The following RANBP3 variants were observed in gnomAD, a reference collection of about 807,000 sequenced individuals.
RANBP3 encodes RAN binding protein 3, also known as ran-binding protein 3.
RANBP3 carries 14 observed loss-of-function variants against 77.3 expected under a neutral mutation model. That is an observed-to-expected ratio of 0.18 (90% CI 0.12 to 0.28). The LOEUF is 0.28. Among genes scored for constraint, RANBP3 ranks in the 10% least tolerant of loss-of-function variants. The pLI is 1.00. For missense variants in RANBP3, 586 were observed against 752.3 expected (o/e 0.78, Z 2.59); for synonymous variants, 315 against 312.4 (o/e 1.01, Z -0.09).
chr19:5,933,470 C>G lies in RANBP3; in HGVS notation c.416G>C (p.Ser139Thr). The change falls in exon 6 of 17, where the codon AGC becomes ACC. Residue 139 changes from serine to threonine, a missense_variant. By Grantham distance (58) the Ser-to-Thr change is moderately conservative (BLOSUM62 1). This residue lies in a region of RANBP3 where 172 missense variants were observed against 183.4 expected (regional missense o/e 0.94). Coordinates refer to ENST00000340578, the MANE Select transcript of RANBP3 (RefSeq NM_007322.3). ...QFPPSQSEER[S>T]SGFRLKPPTL... ...TGGTGGCTTCAACCGGAAGCCACTGCTCCTTTCCTCTAAAAGCACAAGACA... is the reference window on the plus strand; with the variant it reads ...TGGTGGCTTCAACCGGAAGCCACTGGTCCTTTCCTCTAAAAGCACAAGACA... 6.2e-7 allele frequency: 1 copy of G among 1,613,288 alleles called. No homozygotes were observed. Among genetic ancestry groups the G allele is most frequent in the Non-Finnish European group, 8.5e-7 (1 of 1,179,724 alleles).
intron 6 of RANBP3, 31 bp downstream of exon 6, chr19:5,933,383 A>AC (rs747523295): frequency 1.0e-5 from 16 of 1,575,504 alleles, no homozygotes; most frequent in Admixed American, 5.6e-5. Flanking sequence ...TCAGAGAGCC[A>AC]CCCCCCGCCC....
chr19:5,921,594 G>A lies in RANBP3; in HGVS notation c.1210-273C>T, dbSNP rs779373957. 6.6e-6 allele frequency among the ~76,000 whole-genome samples: 1 copy of A among 152,246 alleles called. No homozygotes were observed. The highest frequency in any genetic ancestry group is 1.5e-5 in the Non-Finnish European group (1 of 68,044). On this transcript the variant is annotated intron_variant, in intron 13 of 16. Coordinates refer to ENST00000340578, the MANE Select transcript of RANBP3 (RefSeq NM_007322.3). This position sits in a 1 kb window ranked among gnomAD's most constrained non-coding sequence, Gnocchi z 5.3. The stretch of plus-strand genomic sequence containing the variant: ...CACTCTAGGACGGCTATACCCATGT[G>A]GGGAAGCTGGAACCCTCACACACTG...
At position 5,933,397 on chromosome 19, in the gene RANBP3, G is replaced by A. The variant is rs1054147116; in HGVS notation, c.472+17C>T. On this transcript the variant is annotated intron_variant, in intron 6 of 16. Coordinates refer to ENST00000340578, the MANE Select transcript of RANBP3 (RefSeq NM_007322.3). Reference sequence around the variant, plus strand: ...GTCAGAGAGCCACCCCCCGCCCCAGGGAGGTAGACGACCTACCTGCGCTGG... The same window carrying A: ...GTCAGAGAGCCACCCCCCGCCCCAGAGAGGTAGACGACCTACCTGCGCTGG... The A allele has an allele frequency of 1.5e-5, 24 of 1,600,268 alleles. No individual in the cohort carries two copies. The highest frequency in any genetic ancestry group is 4.6e-5 in the East Asian group (2 of 43,948).
chr19:5,931,966 T>G (rs982503777), intron 7 of RANBP3, among the ~76,000 whole-genome samples: 1 of 151,988 alleles, frequency 6.6e-6, no homozygotes, highest in African/African-American at 2.4e-5. Context: ...GCCCAGGAGT[T>G]CGAGGCTGCA....
rs762262340 is a variant in RANBP3 at position 5,923,186 on chromosome 19, C to G, written c.1209+8G>C. On this transcript the variant is annotated splice_region_variant and intron_variant, in intron 13 of 16. Coordinates refer to ENST00000340578, the MANE Select transcript of RANBP3 (RefSeq NM_007322.3). ...CCCAGGGCCACCGAGGAGGGGCCGG[C>G]CCCTCACCTGTAACACATTGCTCTC... 1 of 1,612,980 alleles carries G rather than the reference C, an allele frequency of 6.2e-7. No individual in the cohort carries two copies. The highest frequency in any genetic ancestry group is 2.2e-5 in the East Asian group (1 of 44,858).
At chr19:5,966,673 A>G (rs552777945) in intron 1 of RANBP3, among the ~76,000 whole-genome samples, 161 of 152,366 alleles carry the variant, frequency 1.1e-3, no homozygotes, top group African/African-American at 3.8e-3. Context: ...TCCCGCTAAA[A>G]CTAAATAGAA....
chr19:5,928,378 A>G (rs2057941346), intron 8 of RANBP3: 1 of 250,042 alleles, frequency 4.0e-6, no homozygotes, highest in African/African-American at 2.2e-5. Flanking sequence ...GAGGACAGGA[A>G]ATAACCTGGT....
At position 5,920,695 on chromosome 19, in the gene RANBP3, G is replaced by C. The variant is rs1049489269; in HGVS notation, c.1330+506C>G. On this transcript the variant is annotated intron_variant, in intron 14 of 16. Coordinates refer to ENST00000340578, the MANE Select transcript of RANBP3 (RefSeq NM_007322.3). ...CCCGAGTAGCTGGGATTACAGACAT[G>C]TATCACCATGCCCGGCTAATTTTTG... Among the ~76,000 whole-genome samples the C allele has an allele frequency of 2.0e-5, 3 of 152,230 alleles. No homozygotes were observed. The East Asian group carries it at 5.8e-4, about 29-fold the overall frequency.
chr19:5,972,526 C>T (rs1284902143), intron 1 of RANBP3, among the ~76,000 whole-genome samples: 1 of 152,212 alleles, frequency 6.6e-6, no homozygotes, highest in Admixed American at 6.5e-5. Context: ...GCAAGCCCAA[C>T]TGCCTCACGA....
At position 5,924,895 on chromosome 19, in the gene RANBP3, A is replaced by T; in HGVS notation, c.928T>A (p.Ser310Thr). Residue 310 changes from serine to threonine, a missense_variant, in exon 11 of 17, where the codon TCA becomes ACA. Ser to Thr is a moderately conservative substitution (Grantham distance 58). Around this residue, in one of 5 missense-constraint regions of RANBP3, gnomAD observed 232 missense variants for 271.7 expected, o/e 0.85. Coordinates refer to ENST00000340578, the MANE Select transcript of RANBP3 (RefSeq NM_007322.3). This position sits in a 1 kb window ranked among gnomAD's most constrained non-coding sequence, Gnocchi z 4.7. ...CTGGAGGCGTCGGCACTATTGGTTG[A>T]GTTCTCTAAACTGAAGAGAAGATGT... ...LQYISSSLEN[S>T]TNSADASSNK... 1 of 1,613,912 alleles carries T rather than the reference A, an allele frequency of 6.2e-7. No homozygotes were observed. The highest frequency in any genetic ancestry group is 1.3e-5 in the African/African-American group (1 of 75,066).
intron 5 of RANBP3, among the ~76,000 whole-genome samples, chr19:5,937,934 C>G (rs376928925): frequency 2.0e-5 from 3 of 152,144 alleles, no homozygotes; most frequent in Admixed American, 6.5e-5. Context: ...CCTGCCTCAC[C>G]GTGGCAGGCT....
intron 3 of RANBP3, among the ~76,000 whole-genome samples, chr19:5,945,070 C>T (rs564089983): frequency 6.6e-6 from 1 of 152,318 alleles, no homozygotes; most frequent in South Asian, 2.1e-4. Context: ...TATACTCTTT[C>T]TCTGTGGCTT....
intron 9 of RANBP3, 84 bp from the exon 10 acceptor site, chr19:5,925,821 C>A (rs1358708146): frequency 1.8e-6 from 2 of 1,101,660 alleles, no homozygotes; most frequent in Non-Finnish European, 2.8e-6. Flanking sequence ...ACCCCCTGAG[C>A]TGCATGGAGC....
chr19:5,917,538 G>A lies in RANBP3; in HGVS notation c.*72C>T, dbSNP rs1488200931. On this transcript the variant is annotated 3_prime_UTR_variant, in exon 17 of 17. Transcript: ENST00000340578. ...GGCCCCGCACCTGGACGCTGCCGGT[G>A]GGGTGGGGGCGGGTGGGCGGGTGGA... is the stretch of plus-strand genomic sequence containing the variant. The A allele has an allele frequency of 6.8e-7, 1 of 1,473,954 alleles. No homozygotes were observed. Among genetic ancestry groups the A allele is most frequent in the African/African-American group, 1.4e-5 (1 of 71,548 alleles). 91.3% of individuals were successfully genotyped at this position (1,473,954 alleles called of 1,614,324 possible). A position where few individuals can be genotyped will look rare whatever the true frequency, so the allele number is the denominator to read the frequency against.
In RANBP3 at chr19:5,920,336, C is replaced by T. The variant is rs111238744; in HGVS notation, c.1330+865G>A. On this transcript the variant is annotated intron_variant, in intron 14 of 16. Transcript: ENST00000340578. Reference sequence around the variant, plus strand: ...ATCACTTGAGCCCAGGAATTTGAGGCGATGATCACACTGTATTCCAGCCTG... The same window carrying T: ...ATCACTTGAGCCCAGGAATTTGAGGTGATGATCACACTGTATTCCAGCCTG... Among the ~76,000 whole-genome samples, 287 of 152,116 alleles carry T rather than the reference C, an allele frequency of 1.9e-3. 2 individuals carry two copies. Among genetic ancestry groups the T allele is most frequent in the African/African-American group, 6.6e-3 (272 of 41,502 alleles).
intron 5 of RANBP3, among the ~76,000 whole-genome samples, chr19:5,934,887 A>G (rs964768873): frequency 3.3e-5 from 5 of 152,110 alleles, no homozygotes; most frequent in Non-Finnish European, 7.4e-5. Context: ...TCAAAAGAAA[A>G]ACACCCCCTC....
intron 1 of RANBP3, among the ~76,000 whole-genome samples, chr19:5,960,013 T>A (rs566981953): frequency 1.1e-4 from 17 of 152,128 alleles, no homozygotes; most frequent in African/African-American, 4.1e-4. Flanking sequence ...ACATGGCACA[T>A]GAACAAGGCC....
At chr19:5,933,179 C>A (rs1426934670) in intron 6 of RANBP3, 5 of 490,448 alleles carry the variant, frequency 1.0e-5, no homozygotes, top group Non-Finnish European at 1.5e-5. Context: ...CCCCGCCTAG[C>A]CTGCTCCCGT....
At chr19:5,951,264 C>T in intron 3 of RANBP3, 129 bp downstream of exon 3, 1 of 887,502 alleles carries the variant, frequency 1.1e-6, no homozygotes, top group Non-Finnish European at 1.8e-6. Context: ...AAATCCTTGT[C>T]ATCTTTTAAG....
Sources: gnomAD v4.1 joint callset for allele counts (sites outside exome capture counted in the v4.1 genomes callset) on GRCh38, gnomAD v4.1.1 for gene constraint, gnomAD v4.1.1 regional missense constraint, Gnocchi (gnomAD v3.1) non-coding constraint, MANE v1.5 for transcripts, NCBI Gene and HGNC (gene_info 2026-07-23, HGNC 2026-07-21) for gene names.